GDA: variants seen among roughly 807,000 people sequenced by gnomAD.
The protein encoded by GDA is cytoplasmic PSD-95 interactor.
A neutral mutation model predicts 59.6 loss-of-function variants in GDA; 18 were observed. The observed-to-expected ratio is 0.30, with a 90% confidence interval of 0.21 to 0.45. GDA has a LOEUF of 0.45. GDA is among the 20% of genes least tolerant of loss of function. The probability of loss-of-function intolerance (pLI) is 1.00; values close to 1 mark genes in which losing one functional copy is unlikely to be tolerated. For synonymous variants in GDA, 201 were observed against 201.1 expected (o/e 1.00, Z 0.00); for missense variants, 427 against 552.3 (o/e 0.77, Z 2.27).
chr9:72,173,371 C>A (rs1176706732), intron 1 of GDA, among the ~76,000 whole-genome samples: 5 of 150,862 alleles, frequency 3.3e-5, no homozygotes, highest in African/African-American at 1.2e-4. Context: ...CTCGCTGTTG[C>A]CCAGCCTGGG....
At chr9:72,200,186 TG>T in intron 2 of GDA, among the ~76,000 whole-genome samples, 2 of 151,838 alleles carry the variant, frequency 1.3e-5, no homozygotes, top group Admixed American at 1.3e-4. Context: ...TTAGTAGAGA[TG>T]GGGTTTCACC....
chr9:72,137,664 A>G (rs11143129), intron 1 of GDA, among the ~76,000 whole-genome samples: 18,090 of 152,060 alleles, frequency 0.12, 2,233 homozygotes, highest in African/African-American at 0.31. Flanking sequence ...AAGGTTTTCA[A>G]TCTCAGCACT....
intron 3 of GDA, 39 bp from the exon 4 acceptor site, chr9:72,210,648 G>T: frequency 8.8e-7 from 1 of 1,131,116 alleles, no homozygotes; most frequent in South Asian, 1.2e-5. Flanking sequence ...TGACTTTTCT[G>T]AGCACACGTG....
chr9:72,248,226 T>A (rs779876197), intron 13 of GDA, 46 bp from the exon 14 acceptor site: 1 of 1,304,234 alleles, frequency 7.7e-7, no homozygotes, highest in Non-Finnish European at 1.1e-6. Context: ...AAGATACTTA[T>A]TGACACAAAA....
At chr9:72,229,330 G>A (rs560438442) in intron 9 of GDA, among the ~76,000 whole-genome samples, 5 of 151,920 alleles carry the variant, frequency 3.3e-5, no homozygotes, top group South Asian at 2.1e-4. Context: ...CAACCTGGGC[G>A]ACAGAGCAAG....
chr9:72,226,670 A>G (rs1485161011), intron 8 of GDA, among the ~76,000 whole-genome samples: 3 of 152,228 alleles, frequency 2.0e-5, no homozygotes, highest in Non-Finnish European at 4.4e-5. Flanking sequence ...AATATAACTG[A>G]TTTAAAAGGT....
At chr9:72,252,579 A>G (rs1840775229), downstream of GDA, among the ~76,000 whole-genome samples, 1 of 152,222 alleles carries the variant, frequency 6.6e-6, no homozygotes, top group African/African-American at 2.4e-5. Context: ...AAAGTTTCAC[A>G]GAAAAATACT....
intron 1 of GDA, among the ~76,000 whole-genome samples, chr9:72,142,564 C>A (rs1227476217): frequency 1.3e-5 from 2 of 150,362 alleles, no homozygotes; most frequent in African/African-American, 2.5e-5. Context: ...CAGAGCAAGA[C>A]TCCATCTCAA....
chr9:72,145,321 G>A (rs1306691340), upstream of GDA, among the ~76,000 whole-genome samples: 1 of 152,318 alleles, frequency 6.6e-6, no homozygotes, highest in East Asian at 1.9e-4. Flanking sequence ...ATTCCTGGGA[G>A]TTTACTGTGA....
chr9:72,150,337 GCA>G (rs1827045894), intron 1 of GDA, among the ~76,000 whole-genome samples: 7 of 129,424 alleles, frequency 5.4e-5, no homozygotes, highest in Non-Finnish European at 8.3e-5. Context: ...ACACACACAC[GCA>G]CGCACACACA....
intron 10 of GDA, among the ~76,000 whole-genome samples, chr9:72,231,938 A>G (rs1838402467): frequency 6.6e-6 from 1 of 152,228 alleles, no homozygotes; most frequent in African/African-American, 2.4e-5. Flanking sequence ...ACCTCTCCAT[A>G]TCCACAGGCA....
In GDA at chr9:72,175,887, A is replaced by G. The variant is rs142953189; in HGVS notation, c.124-19613A>G. Among the ~76,000 whole-genome samples, 220 of 152,372 alleles carry G rather than the reference A, an allele frequency of 1.4e-3. 2 individuals carry two copies. The highest frequency in any genetic ancestry group is 5.0e-3 in the African/African-American group (208 of 41,602). On this transcript the variant is annotated intron_variant, in intron 1 of 13. Transcript: ENST00000358399. ...AAACAAATAACCAAAAAGCTGTGTG[A>G]GAAGGCTTCTTAAGACTGCAATGTA...
At chr9:72,235,896 T>C (rs994534158) in intron 10 of GDA, among the ~76,000 whole-genome samples, 3 of 151,948 alleles carry the variant, frequency 2.0e-5, no homozygotes, top group African/African-American at 4.8e-5. Flanking sequence ...TTTAAACATA[T>C]AGAACAAGTT....
rs565087866 is a variant in GDA, at chr9:72,213,553, CA to C, written c.473-332del. Among the ~76,000 whole-genome samples the C allele has an allele frequency of 2.6e-4, 39 of 152,094 alleles. 1 individual carries two copies. The highest frequency in any genetic ancestry group is 8.2e-4 in the African/African-American group (34 of 41,458). On this transcript the variant is annotated intron_variant, in intron 4 of 13. Coordinates refer to ENST00000358399, the MANE Select transcript of GDA (RefSeq NM_004293.5). ...GCGCGGTGGCTCACGCCTGTAATCC[CA>C]GCACTTTGGGAGGCCGAGGCGGGCG... is the stretch of plus-strand genomic sequence containing the variant.
intron 10 of GDA, among the ~76,000 whole-genome samples, chr9:72,232,810 A>T (rs568962397): frequency 3.9e-5 from 6 of 152,326 alleles, no homozygotes; most frequent in African/African-American, 1.4e-4. Flanking sequence ...TTAGTCAAGG[A>T]TTCATTTCCT....
At chr9:72,198,038 C>T (rs985560424) in intron 2 of GDA, among the ~76,000 whole-genome samples, 2 of 151,932 alleles carry the variant, frequency 1.3e-5, no homozygotes, top group African/African-American at 2.4e-5. Flanking sequence ...TTAAAAGCAG[C>T]GGGGGAGGGG....
intron 1 of GDA, among the ~76,000 whole-genome samples, chr9:72,133,540 G>C (rs1826112937): frequency 6.6e-6 from 1 of 152,048 alleles, no homozygotes; most frequent in African/African-American, 2.4e-5. Flanking sequence ...GGCAAGGCTC[G>C]ATTTTAGATC....
intron 9 of GDA, 82 bp from the exon 10 acceptor site, chr9:72,231,032 G>C: frequency 1.2e-6 from 1 of 821,772 alleles, no homozygotes; most frequent in Non-Finnish European, 2.2e-6. Context: ...ATTTTCAGTG[G>C]CATCACCGTC....
chr9:72,247,386 A>G lies in GDA; in HGVS notation c.1267-20A>G. ...AATGCACAAATGAGTCTTTCTTATT[A>G]CTTTTATTTTCCATTTTAGGCTGTT... is the stretch of plus-strand genomic sequence containing the variant. On this transcript the variant is annotated intron_variant, in intron 12 of 13. Coordinates refer to ENST00000358399, the MANE Select transcript of GDA (RefSeq NM_004293.5). The G allele has an allele frequency of 7.1e-7, 1 of 1,413,378 alleles. No individual in the cohort carries two copies. Among genetic ancestry groups the G allele is most frequent in the South Asian group, 1.1e-5 (1 of 87,216 alleles). The allele number at this position is 1,413,378 out of a possible 1,614,324, so 87.6% of individuals were successfully genotyped here.
Sources: gnomAD v4.1 joint callset for allele counts (sites outside exome capture counted in the v4.1 genomes callset) on GRCh38, gnomAD v4.1.1 for gene constraint, MANE v1.5 for transcripts, NCBI Gene and HGNC (gene_info 2026-07-23, HGNC 2026-07-21) for gene names.